Variants in HIVEP3 observed in about 807,000 individuals in gnomAD.
HIVEP3 encodes transcription factor HIVEP3.
Under a neutral mutation model 152.8 loss-of-function variants are expected in HIVEP3, and 49 were observed. That is an observed-to-expected ratio of 0.32 (90% confidence interval 0.26 to 0.41). The LOEUF (loss-of-function observed/expected upper bound fraction) is 0.41. Ranked by LOEUF, HIVEP3 falls within the 10% of genes least tolerant of loss-of-function variation. The probability of loss-of-function intolerance (pLI) is 1.00; values close to 1 mark genes in which losing one functional copy is unlikely to be tolerated. For missense variants in HIVEP3, 2,790 were observed against 3,103.3 expected, an observed-to-expected ratio of 0.90 and a Z score of 2.40; for synonymous variants, 1,269 against 1,289.0, an observed-to-expected ratio of 0.98 and a Z score of 0.33.
chr1:41,992,722 G>A (rs1645370550), intron 1 of HIVEP3, among the ~76,000 whole-genome samples: 1 of 128,596 alleles, frequency 7.8e-6, no homozygotes, highest in Non-Finnish European at 1.6e-5. Flanking sequence ...CAAAGCTGGA[G>A]GCATCACACT....
Position 41,575,641 on chromosome 1 carries a change from T to C in HIVEP3, c.5110A>G (p.Arg1704Gly), listed in dbSNP as rs1031249707. Residue 1704 changes from arginine to glycine, a missense_variant, in exon 5 of 9, where the codon AGA (arginine) becomes GGA (glycine). Coordinates refer to ENST00000372583, the MANE Select transcript of HIVEP3 (RefSeq NM_024503.5). ...VSPEGQKDLA[R>G]VEKEEERRGE... ...CTCCTCTCTTCTTCCTTCTCCACTC[T>C]AGCTAGATCTTTCTGGCCTTCCGGG... 41 of 1,613,982 alleles carry C rather than the reference T, an allele frequency of 2.5e-5. No individual in the cohort carries two copies. Among genetic ancestry groups the C allele is most frequent in the Middle Eastern group, 1.6e-4 (1 of 6,084 alleles).
chr1:41,657,083 C>T lies in HIVEP3; in HGVS notation c.-720-28136G>A, dbSNP rs142061719. On this transcript the variant is annotated intron_variant, in intron 2 of 8. Coordinates refer to ENST00000372583, the MANE Select transcript of HIVEP3 (RefSeq NM_024503.5). ...ACTCTGAGCTTCTTGGGGATGCAGACTCTCTCCTAGTGCTTAGCCCAGAGC... is the reference window on the plus strand; with the variant it reads ...ACTCTGAGCTTCTTGGGGATGCAGATTCTCTCCTAGTGCTTAGCCCAGAGC... Among the ~76,000 whole-genome samples the T allele has an allele frequency of 5.3e-3, 812 of 152,344 alleles. 4 individuals carry two copies. Among genetic ancestry groups the T allele is most frequent in the Non-Finnish European group, 5.9e-3 (399 of 68,034 alleles).
rs74817332 is a variant in HIVEP3, at chr1:41,643,802, G to A, written c.-720-14855C>T. 1.2e-3 allele frequency among the ~76,000 whole-genome samples: 183 copies of A among 151,726 alleles called. No individual in the cohort carries two copies. In the East Asian group the frequency reaches 0.031, roughly 26 times the overall value. On this transcript the variant is annotated intron_variant, in intron 2 of 8. Transcript: ENST00000372583. The stretch of plus-strand genomic sequence containing the variant: ...AGTGAAGGGCGTTCCACCTCTGGTC[G>A]CTCTGTACCAAGACCTTCCATGTTG...
At chr1:41,706,795 C>T (rs1274404168) in intron 1 of HIVEP3, among the ~76,000 whole-genome samples, 1 of 152,180 alleles carries the variant, frequency 6.6e-6, no homozygotes, top group African/African-American at 2.4e-5. Flanking sequence ...CAATGGACAA[C>T]TTTCTCTACT....
chr1:41,688,738 C>T (rs562522048), intron 2 of HIVEP3, among the ~76,000 whole-genome samples: 32 of 152,344 alleles, frequency 2.1e-4, no homozygotes, highest in African/African-American at 4.6e-4. Flanking sequence ...GATGTGGCTC[C>T]GCCACCTCTC....
chr1:42,023,199 G>A (rs955686551), intron 1 of HIVEP3, among the ~76,000 whole-genome samples: 2 of 151,920 alleles, frequency 1.3e-5, no homozygotes, highest in Non-Finnish European at 2.9e-5. Flanking sequence ...TAGAGACAGG[G>A]TTTCACCATG....
At chr1:42,008,355 CAAG>C (rs1645472832) in intron 1 of HIVEP3, among the ~76,000 whole-genome samples, 1 of 151,972 alleles carries the variant, frequency 6.6e-6, no homozygotes, top group Non-Finnish European at 1.5e-5. Flanking sequence ...CCAGAGTTCC[CAAG>C]AAGAAAAAAA....
rs1569631390 is a variant in HIVEP3 at position 41,508,450 on chromosome 1, G to A, written c.*2001C>T. On this transcript the variant is annotated 3_prime_UTR_variant, in exon 9 of 9. Coordinates refer to ENST00000372583, the MANE Select transcript of HIVEP3 (RefSeq NM_024503.5). Reference sequence around the variant, plus strand: ...TTGCTGCTTCTCTTGGGGAGGATGAGAGCCCTAGTCTCTGAGGGAAGCAGC... The same window carrying A: ...TTGCTGCTTCTCTTGGGGAGGATGAAAGCCCTAGTCTCTGAGGGAAGCAGC... The A allele has an allele frequency of 6.6e-6, 1 of 152,246 alleles. No individual in the cohort carries two copies. Among genetic ancestry groups the A allele is most frequent in the Non-Finnish European group, 1.5e-5 (1 of 68,092 alleles). The allele number at this position is 152,246 out of a possible 1,614,324, so 9.4% of individuals were successfully genotyped here. A position where few individuals can be genotyped will look rare whatever the true frequency, so the allele number is the denominator to read the frequency against.
At chr1:41,714,545 A>G (rs1279954308) in intron 1 of HIVEP3, among the ~76,000 whole-genome samples, 1 of 152,222 alleles carries the variant, frequency 6.6e-6, no homozygotes, top group African/African-American at 2.4e-5. Context: ...TGCTGATTCC[A>G]GAACACGGGT....
rs1474114629 is a variant in HIVEP3, at chr1:41,507,833, T to A, written c.*2618A>T. ...GGGGTTAGAGCTGTGCCCAGTGACA[T>A]ATACCCAGGCTGGTGGCATTGGTTC... is the stretch of plus-strand genomic sequence containing the variant. On this transcript the variant is annotated 3_prime_UTR_variant, in exon 9 of 9. Transcript: ENST00000372583. The A allele has an allele frequency of 6.6e-6, 1 of 152,256 alleles. No individual in the cohort carries two copies. 9.4% of individuals were successfully genotyped at this position (152,256 alleles called of 1,614,324 possible). A position where few individuals can be genotyped will look rare whatever the true frequency, so the allele number is the denominator to read the frequency against.
chr1:41,925,323 T>A (rs1419652527), intron 1 of HIVEP3, among the ~76,000 whole-genome samples: 2 of 152,230 alleles, frequency 1.3e-5, no homozygotes, highest in Non-Finnish European at 2.9e-5. Flanking sequence ...CTATTGCTAC[T>A]GGAAGCCTTA....
rs745367463 is a variant in HIVEP3 at position 41,581,140 on chromosome 1, G to T, written c.3658C>A (p.Pro1220Thr). Reference sequence around the variant, plus strand: ...TATGGCATGGGGAGGAAGGAAGGGGGCTGCCTGAAGGGGATGTTGGCTGGG... The same window carrying T: ...TATGGCATGGGGAGGAAGGAAGGGGTCTGCCTGAAGGGGATGTTGGCTGGG... Reference protein sequence around the residue: ...PHPANIPFRQPPSFLPMPYPT... With the variant: ...PHPANIPFRQTPSFLPMPYPT... Residue 1220 changes from proline to threonine, a missense_variant, in exon 4 of 9, where the codon CCC becomes ACC. Physicochemically the swap from Pro to Thr is conservative, Grantham distance 38. Transcript: ENST00000372583. This position sits in a 1 kb window ranked among gnomAD's most constrained non-coding sequence, Gnocchi z 4.5. 2 of 1,552,276 alleles carry T rather than the reference G, an allele frequency of 1.3e-6. No homozygotes were observed. Among genetic ancestry groups the T allele is most frequent in the South Asian group, 2.5e-5 (2 of 80,134 alleles).
At chr1:41,778,987 C>T (rs990690167) in intron 1 of HIVEP3, among the ~76,000 whole-genome samples, 4 of 152,184 alleles carry the variant, frequency 2.6e-5, no homozygotes, top group Non-Finnish European at 4.4e-5. Context: ...GAGGCAGGAA[C>T]GCTGAGAGAC....
chr1:41,974,283 C>A (rs754687778), intron 1 of HIVEP3, among the ~76,000 whole-genome samples: 1 of 152,114 alleles, frequency 6.6e-6, no homozygotes, highest in South Asian at 2.1e-4. Flanking sequence ...CCTCTTCCGA[C>A]TCCTCAGTTA....
chr1:41,934,532 A>G (rs1239117619), intron 1 of HIVEP3, among the ~76,000 whole-genome samples: 1 of 152,086 alleles, frequency 6.6e-6, no homozygotes, highest in African/African-American at 2.4e-5. Flanking sequence ...TACATCTTTG[A>G]GAAGAAACTA....
chr1:41,785,721 G>C (rs938547828), intron 1 of HIVEP3, among the ~76,000 whole-genome samples: 1 of 152,182 alleles, frequency 6.6e-6, no homozygotes, highest in Non-Finnish European at 1.5e-5. Flanking sequence ...TCTGGGCTGG[G>C]TGCACTAGCT....
chr1:41,780,863 G>A (rs746280270), intron 1 of HIVEP3, among the ~76,000 whole-genome samples: 1 of 152,162 alleles, frequency 6.6e-6, no homozygotes, highest in Non-Finnish European at 1.5e-5. Flanking sequence ...GAACAGGAAT[G>A]ACCTCCCCAG....
rs1290039889 is a variant in HIVEP3 at position 41,510,405 on chromosome 1, T to G, written c.*46A>C. On this transcript the variant is annotated 3_prime_UTR_variant, in exon 9 of 9. Transcript: ENST00000372583. ...TTCGAGGAAAGTGGCTGGAAACGTCTGTTGCTGGACACTGGAAGCCAGATG... is the reference window on the plus strand; with the variant it reads ...TTCGAGGAAAGTGGCTGGAAACGTCGGTTGCTGGACACTGGAAGCCAGATG... 2.9e-6 allele frequency: 4 copies of G among 1,392,494 alleles called. No individual in the cohort carries two copies. In the South Asian group the frequency reaches 7.1e-5, roughly 25 times the overall value. 86.3% of individuals were successfully genotyped at this position (1,392,494 alleles called of 1,614,324 possible). A position where few individuals can be genotyped will look rare whatever the true frequency, so the allele number is the denominator to read the frequency against.
chr1:41,720,994 A>G (rs139954556), intron 1 of HIVEP3, among the ~76,000 whole-genome samples: 2 of 152,352 alleles, frequency 1.3e-5, no homozygotes, highest in South Asian at 2.1e-4. Context: ...AAAATAGTCA[A>G]ACTCACAGAA....
Sources: gnomAD v4.1 joint callset for allele counts (sites outside exome capture counted in the v4.1 genomes callset) on GRCh38, gnomAD v4.1.1 for gene constraint, Gnocchi (gnomAD v3.1) non-coding constraint, MANE v1.5 for transcripts, NCBI Gene and HGNC (gene_info 2026-07-23, HGNC 2026-07-21) for gene names.